AXIN2: variants seen among roughly 807,000 people sequenced by gnomAD.
AXIN2 encodes the protein axin-2.
In AXIN2, 21 loss-of-function variants were observed where a neutral mutation model predicts 74.7. The ratio of observed to expected loss-of-function variants is 0.28; its 90% CI spans 0.20 to 0.40. The LOEUF is 0.40. AXIN2 is among the 10% of genes least tolerant of loss of function. The pLI, the probability that AXIN2 is intolerant of heterozygous loss-of-function variation, is 1.00. For synonymous variants in AXIN2, 532 were observed against 454.9 expected (o/e 1.17, Z -2.16); for missense variants, 1,144 against 1,111.1 (o/e 1.03, Z -0.42).
intron 7 of AXIN2, 38 bp downstream of exon 7, chr17:65,536,831 T>C (rs759277496): frequency 7.4e-6 from 12 of 1,611,714 alleles, no homozygotes; most frequent in Non-Finnish European, 9.3e-6. Flanking sequence ...TGAGTGCCCA[T>C]GACCCTCGCG....
At chr17:65,552,599 C>T (rs1347006476) in intron 2 of AXIN2, among the ~76,000 whole-genome samples, 2 of 152,206 alleles carry the variant, frequency 1.3e-5, no homozygotes, top group Non-Finnish European at 2.9e-5. Context: ...CAGAGGTGGG[C>T]ACCCACCTGA....
rs1598095782 is a variant in AXIN2, at chr17:65,535,658, T to C, written c.2205A>G (p.Thr735=). The C allele has an allele frequency of 1.9e-6, 3 of 1,614,066 alleles. No individual in the cohort carries two copies. Among genetic ancestry groups the C allele is most frequent in the Non-Finnish European group, 2.5e-6 (3 of 1,180,012 alleles). The part of the protein sequence containing the change: ...NHSATVQTGA[T]PFSNPSLAPE... ...GAGCCAGGCTTGGATTGGAGAAGGGTGTGGCTCCCGTCTGAACAGTGGCCG... is the reference window on the plus strand; with the variant it reads ...GAGCCAGGCTTGGATTGGAGAAGGGCGTGGCTCCCGTCTGAACAGTGGCCG... The change falls in exon 9 of 11, where the codon ACA becomes ACG. Residue 735 remains threonine (T), a synonymous_variant. Transcript: ENST00000307078.
At chr17:65,546,897 G>GT (rs2044126754) in intron 3 of AXIN2, among the ~76,000 whole-genome samples, 2 of 152,148 alleles carry the variant, frequency 1.3e-5, no homozygotes, top group Non-Finnish European at 2.9e-5. Flanking sequence ...GAACCCAAAG[G>GT]TATCTACTGT....
chr17:65,541,888 C>A (rs1598104670), intron 3 of AXIN2, among the ~76,000 whole-genome samples: 1 of 152,242 alleles, frequency 6.6e-6, no homozygotes, highest in African/African-American at 2.4e-5. Context: ...AAAGGCTCCC[C>A]TATTTTACAG....
In AXIN2 at chr17:65,536,460, G is replaced by A. The variant is rs376242268; in HGVS notation, c.2001C>T (p.Ser667=). 1.9e-6 allele frequency: 3 copies of A among 1,613,664 alleles called. No individual in the cohort carries two copies. The highest frequency in any genetic ancestry group is 2.7e-5 in the African/African-American group (2 of 74,940). Residue 667 remains serine, a synonymous_variant, in exon 8 of 11, where the codon AGC becomes AGT. Transcript: ENST00000307078. ...ASRHHLWGGN[S]GHPRTTPRAH... is the part of the protein sequence containing the mutation. The stretch of plus-strand genomic sequence containing the variant: ...CACGGGGGGTGGTGCGGGGGTGCCC[G>A]CTGTTGCCCCCCCACAGATGGTGCC...
rs530947999 is a variant in AXIN2 at position 65,551,217 on chromosome 17, G to A, written c.816-1557C>T. On this transcript the variant is annotated intron_variant, in intron 2 of 10. Transcript: ENST00000307078. ...CAGATGGGACTGATGGGACTAATGG[G>A]ACTAACGGGACTCCCTGGGACAGAT... 2.6e-5 allele frequency among the ~76,000 whole-genome samples: 4 copies of A among 152,278 alleles called. No homozygotes were observed. The South Asian group carries it at 8.3e-4, about 32-fold the overall frequency.
chr17:65,559,282 C>T (rs892198697), intron 1 of AXIN2, among the ~76,000 whole-genome samples: 5 of 149,814 alleles, frequency 3.3e-5, no homozygotes, highest in South Asian at 4.4e-4. Context: ...CCACCCACCC[C>T]CTCCCTCTGC....
intron 2 of AXIN2, among the ~76,000 whole-genome samples, chr17:65,556,284 G>A (rs2044265716): frequency 6.6e-6 from 1 of 152,180 alleles, no homozygotes; most frequent in Non-Finnish European, 1.5e-5. Flanking sequence ...CTTTACCACG[G>A]CTCTTAAGTA....
chr17:65,531,546 G>A (rs751016892), intron 10 of AXIN2, among the ~76,000 whole-genome samples: 20 of 152,124 alleles, frequency 1.3e-4, no homozygotes, highest in Non-Finnish European at 2.2e-4. Flanking sequence ...GCCACCCTCC[G>A]TCAGACCCCT....
chr17:65,542,668 G>C (rs900655901), intron 3 of AXIN2, among the ~76,000 whole-genome samples: 1 of 152,306 alleles, frequency 6.6e-6, no homozygotes, highest in Admixed American at 6.5e-5. Context: ...ACCTAGAGTT[G>C]CCATGATTTT....
chr17:65,558,905 C>T (rs2044319221), intron 1 of AXIN2, among the ~76,000 whole-genome samples, 169 bp from the exon 2 acceptor site: 1 of 152,116 alleles, frequency 6.6e-6, no homozygotes, highest in Admixed American at 6.5e-5. Context: ...GTATCAGGCG[C>T]TGCTTTTCAA....
At chr17:65,545,118 C>T (rs1247211895) in intron 3 of AXIN2, among the ~76,000 whole-genome samples, 1 of 152,228 alleles carries the variant, frequency 6.6e-6, no homozygotes, top group African/African-American at 2.4e-5. Flanking sequence ...TTTGGGGACA[C>T]TCAGAGCTGA....
chr17:65,552,399 G>C (rs758619941), intron 2 of AXIN2, among the ~76,000 whole-genome samples: 5 of 152,366 alleles, frequency 3.3e-5, no homozygotes, highest in East Asian at 1.9e-4. Flanking sequence ...ATCTGGGTGC[G>C]TAAGTAAGGC....
Position 65,529,796 on chromosome 17 carries a change from G to T in AXIN2, c.*180C>A. 1 of 916,148 alleles carries T rather than the reference G, an allele frequency of 1.1e-6. No individual in the cohort carries two copies. The highest frequency in any genetic ancestry group is 1.7e-6 in the Non-Finnish European group (1 of 591,470). The allele number at this position is 916,148 out of a possible 1,614,324, so 56.8% of individuals were successfully genotyped here. A position where few individuals can be genotyped will look rare whatever the true frequency, so the allele number is the denominator to read the frequency against. On this transcript the variant is annotated 3_prime_UTR_variant, in exon 11 of 11. Transcript: ENST00000307078. ...TTATCTCAGTCAGTACCCAGCTCAT[G>T]AATCATGAAAATCAACCTCCCCCCG...
rs943374156 is a variant in AXIN2, at chr17:65,541,445, CTG to C, written c.1059+8_1059+9del. On this transcript the variant is annotated splice_region_variant and intron_variant, in intron 4 of 10. Coordinates refer to ENST00000307078, the MANE Select transcript of AXIN2 (RefSeq NM_004655.4). Reference sequence around the variant, plus strand: ...AAAACAGCTGTCTCCTCACTCCAGACTGTACTCACCGGGAAATGAGGTAGAGA... The same window carrying C: ...AAAACAGCTGTCTCCTCACTCCAGACTACTCACCGGGAAATGAGGTAGAGA... The C allele has an allele frequency of 3.7e-6, 6 of 1,608,928 alleles. No individual in the cohort carries two copies. The highest frequency in any genetic ancestry group is 1.3e-5 in the African/African-American group (1 of 74,926).
chr17:65,531,815 C>T (rs886545652), intron 10 of AXIN2, among the ~76,000 whole-genome samples: 1 of 152,186 alleles, frequency 6.6e-6, no homozygotes, highest in Admixed American at 6.5e-5. Flanking sequence ...GCGTCTGGCG[C>T]GTCTGAAGGG....
intron 2 of AXIN2, among the ~76,000 whole-genome samples, chr17:65,554,119 C>T (rs1197787649): frequency 1.3e-5 from 2 of 152,140 alleles, no homozygotes; most frequent in Admixed American, 1.3e-4. Flanking sequence ...CTATCCTGTT[C>T]TTATCTCCTC....
intron 4 of AXIN2, among the ~76,000 whole-genome samples, chr17:65,541,034 G>A (rs540116559): frequency 4.6e-5 from 7 of 152,166 alleles, no homozygotes; most frequent in South Asian, 4.1e-4. Flanking sequence ...ACGTCACCAC[G>A]CTAGGCTAAT....
At chr17:65,557,645 T>A (rs1053303419) in intron 2 of AXIN2, among the ~76,000 whole-genome samples, 161 bp downstream of exon 2, 1 of 151,230 alleles carries the variant, frequency 6.6e-6, no homozygotes, top group African/African-American at 2.4e-5. Flanking sequence ...GCTTTCCCCC[T>A]GTTTCAACAA....
Sources: allele counts gnomAD v4.1 joint callset (sites outside exome capture counted in the v4.1 genomes callset), GRCh38; gene constraint gnomAD v4.1.1; transcripts MANE v1.5; gene names NCBI Gene and HGNC (gene_info 2026-07-23, HGNC 2026-07-21).